Variants in UBE2F observed in about 807,000 individuals in gnomAD.
The protein encoded by UBE2F is ubiquitin conjugating enzyme E2 F (putative), also known as NEDD8-conjugating enzyme UBE2F.
UBE2F carries 5 observed loss-of-function variants against 29.6 expected under a neutral mutation model. That is an observed-to-expected ratio of 0.17 (90% CI 0.09 to 0.36). The LOEUF (loss-of-function observed/expected upper bound fraction) is 0.36. Among genes scored for constraint, UBE2F ranks in the 10% least tolerant of loss-of-function variants. UBE2F has a pLI of 1.00. For missense variants in UBE2F, 141 were observed against 228.5 expected (o/e 0.62, Z 2.47); for synonymous variants, 66 against 81.8 (o/e 0.81, Z 1.04).
chr2:237,980,210 G>T (rs1365829037), intron 2 of UBE2F, among the ~76,000 whole-genome samples: 5 of 152,268 alleles, frequency 3.3e-5, no homozygotes, highest in Non-Finnish European at 7.3e-5. Context: ...AGTGTTGTCT[G>T]ATGGGGCTTG....
At chr2:238,000,113 C>T (rs756918978) in intron 4 of UBE2F, among the ~76,000 whole-genome samples, 4 of 152,160 alleles carry the variant, frequency 2.6e-5, no homozygotes, top group Non-Finnish European at 5.9e-5. Context: ...TGAGCCACTG[C>T]GCCCAGCCCA....
In UBE2F at chr2:238,036,026, T is replaced by G. The variant is rs541514400; in HGVS notation, c.507+86T>G. The G allele has an allele frequency of 2.5e-4, 305 of 1,243,136 alleles. 1 individual carries two copies. The highest frequency in any genetic ancestry group is 3.4e-4 in the Non-Finnish European group (295 of 856,470). 77.0% of individuals were successfully genotyped at this position (1,243,136 alleles called of 1,614,324 possible). A position where few individuals can be genotyped will look rare whatever the true frequency, so the allele number is the denominator to read the frequency against. ...TCTCTTGATTGGATAAATGAGAAAT[T>G]TATCCACCAAGAGAGTGGTGGGATG... On this transcript the variant is annotated intron_variant, in intron 9 of 9. Coordinates refer to ENST00000272930, the MANE Select transcript of UBE2F (RefSeq NM_080678.3).
intron 3 of UBE2F, among the ~76,000 whole-genome samples, chr2:237,991,139 A>G (rs1172227844): frequency 6.6e-6 from 1 of 152,210 alleles, no homozygotes; most frequent in Non-Finnish European, 1.5e-5. Context: ...ATGGTGTCAG[A>G]TAAAAAGACA....
chr2:238,015,041 C>G (rs1296410956), intron 4 of UBE2F, among the ~76,000 whole-genome samples: 1 of 152,106 alleles, frequency 6.6e-6, no homozygotes, highest in Non-Finnish European at 1.5e-5. Context: ...AAAAAAAATA[C>G]GACCTTAGTC....
intron 5 of UBE2F, 41 bp downstream of exon 5, chr2:238,016,674 C>T (rs201892454): frequency 1.8e-4 from 280 of 1,580,500 alleles, no homozygotes; most frequent in African/African-American, 4.8e-4. Context: ...ACTTCTCGGG[C>T]GGGGCTGCCT....
intron 3 of UBE2F, among the ~76,000 whole-genome samples, chr2:237,990,804 A>G (rs929607176): frequency 4.0e-5 from 6 of 151,442 alleles, no homozygotes; most frequent in African/African-American, 1.5e-4. Flanking sequence ...TTTTGTAGAG[A>G]TGGAGTCTCC....
chr2:237,970,566 G>A (rs971985518), intron 1 of UBE2F, among the ~76,000 whole-genome samples: 1 of 152,092 alleles, frequency 6.6e-6, no homozygotes, highest in African/African-American at 2.4e-5. Flanking sequence ...GCTTATGACC[G>A]TGAAAGTGCA....
chr2:237,984,816 G>A (rs2063446262), intron 2 of UBE2F, among the ~76,000 whole-genome samples: 1 of 152,144 alleles, frequency 6.6e-6, no homozygotes, highest in Non-Finnish European at 1.5e-5. Context: ...GTCTCACTTT[G>A]TTGCCCAGGC....
rs73096378 is a variant in UBE2F at position 238,031,611 on chromosome 2, T to G, written c.412-611T>G. The stretch of plus-strand genomic sequence containing the variant: ...GCCTAAAAAGGACGAAACTCTTGAG[T>G]TGATGAAGAGGAAAATGGAGAATGA... On this transcript the variant is annotated intron_variant, in intron 7 of 9. Coordinates refer to ENST00000272930, the MANE Select transcript of UBE2F (RefSeq NM_080678.3). Among the ~76,000 whole-genome samples, 794 of 152,152 alleles carry G rather than the reference T, an allele frequency of 5.2e-3. 11 individuals are homozygous for G. The highest frequency in any genetic ancestry group is 0.018 in the African/African-American group (757 of 41,494).
chr2:238,009,127 C>T (rs1052366981), intron 4 of UBE2F, among the ~76,000 whole-genome samples: 1 of 152,214 alleles, frequency 6.6e-6, no homozygotes, highest in Non-Finnish European at 1.5e-5. Flanking sequence ...ATGCGATGTG[C>T]ATTTTATTCT....
intron 7 of UBE2F, among the ~76,000 whole-genome samples, chr2:238,031,869 T>A (rs1156565078): frequency 6.6e-6 from 1 of 152,242 alleles, no homozygotes; most frequent in Non-Finnish European, 1.5e-5. Context: ...TTTTTAGAAG[T>A]CAGAACCATA....
chr2:238,038,986 G>A (rs1207341250), intron 9 of UBE2F, among the ~76,000 whole-genome samples: 2 of 152,224 alleles, frequency 1.3e-5, no homozygotes, highest in African/African-American at 4.8e-5. Context: ...TGTAATCCCA[G>A]CACTTTGGGA....
intron 1 of UBE2F, chr2:237,968,710 C>T (rs577720067): frequency 1.6e-5 from 4 of 251,682 alleles, no homozygotes; most frequent in African/African-American, 4.6e-5. Context: ...GAAAGCAGGT[C>T]CCACCCAGAG....
chr2:238,012,654 C>G (rs979934596), intron 4 of UBE2F, among the ~76,000 whole-genome samples: 1 of 152,326 alleles, frequency 6.6e-6, no homozygotes, highest in Admixed American at 6.5e-5. Context: ...ATCACTCTTT[C>G]CCTCAGGCAA....
At position 238,040,749 on chromosome 2, in the gene UBE2F, A is replaced by T. The variant is rs2064820909; in HGVS notation, c.508-539A>T. ...TCCACCTTCATTTCAATGCATGAGG[A>T]TGGAGCTCTGTGGCACACCCAGCTC... On this transcript the variant is annotated intron_variant, in intron 9 of 9. Coordinates refer to ENST00000272930, the MANE Select transcript of UBE2F (RefSeq NM_080678.3). The surrounding 1 kb of genome is among the most constrained non-coding windows in gnomAD (Gnocchi z 4.4). Among the ~76,000 whole-genome samples the T allele has an allele frequency of 6.6e-6, 1 of 152,058 alleles. No individual in the cohort carries two copies. The highest frequency in any genetic ancestry group is 2.4e-5 in the African/African-American group (1 of 41,404).
chr2:238,002,538 G>A (rs1265987509), intron 4 of UBE2F, among the ~76,000 whole-genome samples: 1 of 150,146 alleles, frequency 6.7e-6, no homozygotes, highest in Middle Eastern at 3.4e-3. Flanking sequence ...CACCTGGCCG[G>A]AATATTCCAA....
intron 9 of UBE2F, among the ~76,000 whole-genome samples, chr2:238,036,852 G>C (rs1383708984): frequency 6.6e-6 from 1 of 152,058 alleles, no homozygotes; most frequent in Non-Finnish European, 1.5e-5. Context: ...TAGGAACAGA[G>C]AAGGAGAATG....
At chr2:237,992,302 C>G (rs1006332310) in intron 3 of UBE2F, among the ~76,000 whole-genome samples, 1 of 152,194 alleles carries the variant, frequency 6.6e-6, no homozygotes, top group African/African-American at 2.4e-5. Context: ...AAACATTTCC[C>G]AAGTCAGAAT....
chr2:237,982,786 A>G lies in UBE2F; in HGVS notation c.119-5177A>G, dbSNP rs1334129456. Among the ~76,000 whole-genome samples the G allele has an allele frequency of 1.3e-5, 2 of 152,178 alleles. No homozygotes were observed. Among genetic ancestry groups the G allele is most frequent in the East Asian group, 1.9e-4 (1 of 5,196 alleles). On this transcript the variant is annotated intron_variant, in intron 2 of 9. Coordinates refer to ENST00000272930, the MANE Select transcript of UBE2F (RefSeq NM_080678.3). The surrounding 1 kb of genome is among the most constrained non-coding windows in gnomAD (Gnocchi z 4.1). ...CAACTCATTTGCTCTTCACCTGTGT[A>G]GGTCACACCTGTGAGATGTGACCAG...
Sources: gnomAD v4.1 joint callset for allele counts (sites outside exome capture counted in the v4.1 genomes callset) on GRCh38, gnomAD v4.1.1 for gene constraint, Gnocchi (gnomAD v3.1) non-coding constraint, MANE v1.5 for transcripts, NCBI Gene and HGNC (gene_info 2026-07-23, HGNC 2026-07-21) for gene names.